Variants in DUSP22 observed in about 807,000 individuals in gnomAD.
DUSP22 encodes dual specificity protein phosphatase 22.
DUSP22 carries 24 observed loss-of-function variants against 24.5 expected under a neutral mutation model. The observed-to-expected ratio is 0.98, with a 90% CI of 0.71 to 1.38. The LOEUF is 1.38. DUSP22 is among the 40% of genes most tolerant of loss of function. The pLI, the probability that DUSP22 is intolerant of heterozygous loss-of-function variation, is 0.00. For missense variants in DUSP22, 330 were observed against 269.2 expected (o/e 1.23, Z -1.58); for synonymous variants, 160 against 106.4 (o/e 1.50, Z -3.10).
intron 4 of DUSP22, among the ~76,000 whole-genome samples, chr6:335,853 T>C (rs1464957901): frequency 1.3e-5 from 2 of 152,410 alleles, no homozygotes; most frequent in East Asian, 3.9e-4. Context: ...GTGGAATGAA[T>C]AGGTCGTTGT....
At position 349,367 on chromosome 6, in the gene DUSP22, G is replaced by A; in HGVS notation, c.*416G>A. The A allele has an allele frequency of 9.7e-7, 1 of 1,032,044 alleles. No individual in the cohort carries two copies. Among genetic ancestry groups the A allele is most frequent in the Non-Finnish European group, 1.2e-6 (1 of 859,314 alleles). The allele number at this position is 1,032,044 out of a possible 1,614,324, so 63.9% of individuals were successfully genotyped here. On this transcript the variant is annotated 3_prime_UTR_variant, in exon 7 of 7. Coordinates refer to ENST00000419235, the MANE Select transcript of DUSP22 (RefSeq NM_001286555.3). ...GTGTGTGAACTCTTTCTTACTGCTG[G>A]AAGTCACAGAATTCATATTGCTGCC...
At chr6:317,109 G>A (rs1482444754) in intron 3 of DUSP22, among the ~76,000 whole-genome samples, 1 of 152,306 alleles carries the variant, frequency 6.6e-6, no homozygotes. Flanking sequence ...TGTTAGTTTT[G>A]TTTGTAGTTG....
chr6:293,242 T>C (rs1757176763), intron 1 of DUSP22, among the ~76,000 whole-genome samples: 1 of 152,294 alleles, frequency 6.6e-6, no homozygotes. Flanking sequence ...TGTGTTCTTT[T>C]GTTGCCCGCA....
At chr6:347,544 A>G (rs1032978060) in intron 5 of DUSP22, among the ~76,000 whole-genome samples, 8 of 152,296 alleles carry the variant, frequency 5.3e-5, no homozygotes, top group Non-Finnish European at 1.0e-4. Flanking sequence ...CCTTGCTCCC[A>G]CCCTGCGGAC....
In DUSP22 at chr6:350,670, C is replaced by T. The variant is rs1760157239; in HGVS notation, c.*1719C>T. 1 of 1,534,416 alleles carries T rather than the reference C, an allele frequency of 6.5e-7. No individual in the cohort carries two copies. The highest frequency in any genetic ancestry group is 8.8e-7 in the Non-Finnish European group (1 of 1,140,948). ...TTTGCCAATAAAGTACATGTTTTTC[C>T]TAAGCCAAAAATAAATACGTTAACA... On this transcript the variant is annotated 3_prime_UTR_variant, in exon 7 of 7. Coordinates refer to ENST00000419235, the MANE Select transcript of DUSP22 (RefSeq NM_001286555.3).
chr6:328,760 T>C (rs1359177675), intron 3 of DUSP22, among the ~76,000 whole-genome samples: 2 of 152,304 alleles, frequency 1.3e-5, no homozygotes, highest in African/African-American at 4.8e-5. Context: ...TGGAGCATAT[T>C]TATCTGCCGT....
chr6:338,076 G>T (rs1405799193), intron 4 of DUSP22: 5 of 152,542 alleles, frequency 3.3e-5, no homozygotes, highest in African/African-American at 1.2e-4. Flanking sequence ...CGTAGCTCAT[G>T]AAAAGGTGGG....
rs752274970 is a variant in DUSP22 at position 335,105 on chromosome 6, A to G, written c.139-9A>G. On this transcript the variant is annotated splice_polypyrimidine_tract_variant and intron_variant, in intron 3 of 6. Transcript: ENST00000419235. ...TATTTTTATGTATTTACTTTTTATT[A>G]TTCTGCAGGGAGTTAAATACCTGTG... The G allele has an allele frequency of 6.2e-7, 1 of 1,613,082 alleles. No homozygotes were observed. The highest frequency in any genetic ancestry group is 1.1e-5 in the South Asian group (1 of 90,860).
intron 2 of DUSP22, 36 bp from the exon 3 acceptor site, chr6:311,844 G>C (rs759767238): frequency 6.3e-7 from 1 of 1,584,090 alleles, no homozygotes; most frequent in Non-Finnish European, 8.6e-7. Flanking sequence ...AACTTGCAAA[G>C]ATATCAAAAT....
chr6:310,483 G>A (rs1758030671), intron 2 of DUSP22, among the ~76,000 whole-genome samples: 2 of 152,300 alleles, frequency 1.3e-5, no homozygotes, highest in African/African-American at 2.4e-5. Context: ...GTTTCATATG[G>A]AGATAATTTA....
intron 1 of DUSP22, among the ~76,000 whole-genome samples, chr6:295,749 G>C (rs1023834672): frequency 6.6e-6 from 1 of 151,258 alleles, no homozygotes; most frequent in South Asian, 2.1e-4. Context: ...GGAGCGAGTC[G>C]TGATTGTGCC....
chr6:300,416 A>T (rs1053327335), intron 1 of DUSP22, among the ~76,000 whole-genome samples: 1 of 152,428 alleles, frequency 6.6e-6, no homozygotes, highest in Non-Finnish European at 1.5e-5. Context: ...TCAACTTTGC[A>T]CTTGAGATGG....
intron 3 of DUSP22, chr6:325,874 C>T (rs1185877510): frequency 1.2e-5 from 2 of 164,914 alleles, no homozygotes. Flanking sequence ...CTGCTGGTGT[C>T]TGGAGTCATC....
chr6:317,553 C>A (rs146155365), intron 3 of DUSP22, among the ~76,000 whole-genome samples: 1 of 152,302 alleles, frequency 6.6e-6, no homozygotes, highest in Non-Finnish European at 1.5e-5. Flanking sequence ...CTCAGGACTT[C>A]GGCCCCTTTT....
chr6:302,923 G>A (rs1757650944), intron 1 of DUSP22, among the ~76,000 whole-genome samples: 2 of 152,304 alleles, frequency 1.3e-5, no homozygotes, highest in Non-Finnish European at 2.9e-5. Context: ...CGGGGTGGAG[G>A]AACAGGAGCT....
chr6:310,697 T>G lies in DUSP22; in HGVS notation c.56-1183T>G, dbSNP rs1040354851. 3.3e-5 allele frequency among the ~76,000 whole-genome samples: 5 copies of G among 152,308 alleles called. No individual in the cohort carries two copies. In the South Asian group the frequency reaches 6.2e-4, roughly 19 times the overall value. On this transcript the variant is annotated intron_variant, in intron 2 of 6. Coordinates refer to ENST00000419235, the MANE Select transcript of DUSP22 (RefSeq NM_001286555.3). ...GAGTTAATGGTTTTGTATTTAGCTT[T>G]TTAAGAATTCTCATCATTAAGAGGC...
At chr6:313,194 A>G (rs1049671540) in intron 3 of DUSP22, among the ~76,000 whole-genome samples, 6 of 152,310 alleles carry the variant, frequency 3.9e-5, no homozygotes, top group Non-Finnish European at 8.8e-5. Context: ...CTTAAATCAC[A>G]AGATGAGGCT....
At chr6:302,135 A>G (rs200519666) in intron 1 of DUSP22, among the ~76,000 whole-genome samples, 5 of 152,420 alleles carry the variant, frequency 3.3e-5, no homozygotes, top group East Asian at 3.9e-4. Context: ...GGACCCCGCC[A>G]TCGCCGTCAC....
At chr6:308,793 C>A (rs1266972182) in intron 2 of DUSP22, among the ~76,000 whole-genome samples, 3 of 152,310 alleles carry the variant, frequency 2.0e-5, no homozygotes, top group African/African-American at 7.2e-5. Context: ...TGAATTATAT[C>A]CCAATAAAGC....
Sources: gnomAD v4.1 joint callset for allele counts (sites outside exome capture counted in the v4.1 genomes callset) on GRCh38, gnomAD v4.1.1 for gene constraint, MANE v1.5 for transcripts, NCBI Gene and HGNC (gene_info 2026-07-23, HGNC 2026-07-21) for gene names.